The following SLIT2 variants were observed in gnomAD, a reference collection of about 807,000 sequenced individuals.
SLIT2 encodes the protein slit guidance ligand 2.
In SLIT2, 41 loss-of-function variants were observed where a neutral mutation model predicts 185.7. The ratio of observed to expected loss-of-function variants is 0.22; its 90% CI spans 0.17 to 0.29. SLIT2 has a LOEUF of 0.29. Ranked by LOEUF, SLIT2 falls within the 10% of genes least tolerant of loss-of-function variation. The pLI is 1.00. For synonymous variants in SLIT2, 693 were observed against 680.2 expected (o/e 1.02, Z -0.29); for missense variants, 1,571 against 1,909.0 (o/e 0.82, Z 3.30).
At position 20,263,622 on chromosome 4, in the gene SLIT2, G is replaced by A. The variant is rs577938524; in HGVS notation, c.324-5188G>A. 7.1e-4 allele frequency among the ~76,000 whole-genome samples: 108 copies of A among 151,946 alleles called. 1 individual carries two copies. The highest frequency in any genetic ancestry group is 2.2e-3 in the African/African-American group (90 of 41,508). On this transcript the variant is annotated intron_variant, in intron 3 of 36. Transcript: ENST00000504154. Reference sequence around the variant, plus strand: ...CCTTTCTCCTTTTAAAATCAGAAACGCTAGAAAAGAGTGATATCAGAAAAT... The same window carrying A: ...CCTTTCTCCTTTTAAAATCAGAAACACTAGAAAAGAGTGATATCAGAAAAT...
At chr4:20,450,952 C>T (rs1178406760) in intron 4 of SLIT2, among the ~76,000 whole-genome samples, 2 of 152,134 alleles carry the variant, frequency 1.3e-5, no homozygotes, top group Non-Finnish European at 2.9e-5. Flanking sequence ...ATATCTGGCT[C>T]AGAATGATCT....
chr4:20,519,332 G>C, intron 11 of SLIT2, 50 bp from the exon 12 acceptor site: 1 of 893,916 alleles, frequency 1.1e-6, no homozygotes, highest in Non-Finnish European at 1.9e-6. Flanking sequence ...AGATGAATTT[G>C]TTATGCAGGT....
intron 4 of SLIT2, among the ~76,000 whole-genome samples, chr4:20,415,981 C>T (rs1727647864): frequency 6.6e-6 from 1 of 152,108 alleles, no homozygotes; most frequent in Non-Finnish European, 1.5e-5. Flanking sequence ...TTAGTGATGA[C>T]ACAGTATTAG....
At chr4:20,523,166 G>T (rs1447168704) in intron 12 of SLIT2, among the ~76,000 whole-genome samples, 1 of 152,046 alleles carries the variant, frequency 6.6e-6, no homozygotes, top group Non-Finnish European at 1.5e-5. Context: ...TTTAAGAAAG[G>T]CAAGGAGATC....
At chr4:20,451,187 A>G (rs1470833843) in intron 4 of SLIT2, among the ~76,000 whole-genome samples, 2 of 152,088 alleles carry the variant, frequency 1.3e-5, no homozygotes, top group Admixed American at 6.5e-5. Flanking sequence ...TCTCCGTTAC[A>G]CCTTCCTGAA....
chr4:20,617,194 A>C lies in SLIT2; in HGVS notation c.4132A>C (p.Asn1378His). ...ACGGACCAATGACCCTTGCCTTGGAAATAAGTAAGTTCCTGCTGCTTGGGA... is the reference window on the plus strand; with the variant it reads ...ACGGACCAATGACCCTTGCCTTGGACATAAGTAAGTTCCTGCTGCTTGGGA... ...DQRTNDPCLG[N>H]KCVHGTCLPI... is the part of the protein sequence containing the mutation. The change falls in exon 35 of 37, where the codon AAT (asparagine) becomes CAT (histidine). Residue 1378 changes from asparagine (N) to histidine (H), a missense_variant. Around this residue, in one of 3 missense-constraint regions of SLIT2, gnomAD observed 223 missense variants for 245.2 expected, o/e 0.91. Coordinates refer to ENST00000504154, the MANE Select transcript of SLIT2 (RefSeq NM_004787.4). 5 of 1,572,246 alleles carry C rather than the reference A, an allele frequency of 3.2e-6. No homozygotes were observed. The highest frequency in any genetic ancestry group is 4.3e-6 in the Non-Finnish European group (5 of 1,154,458).
intron 36 of SLIT2, 74 bp downstream of exon 36, chr4:20,617,724 A>T: frequency 1.2e-5 from 8 of 680,828 alleles, no homozygotes; most frequent in African/African-American, 2.7e-5. Flanking sequence ...AAAGAGAGGG[A>T]GAAAAAGTGA....
chr4:20,454,564 A>T (rs1288894011), intron 4 of SLIT2, among the ~76,000 whole-genome samples: 1 of 152,178 alleles, frequency 6.6e-6, no homozygotes, highest in East Asian at 1.9e-4. Flanking sequence ...ATGGAAGTAC[A>T]GATTTATGAT....
intron 15 of SLIT2, among the ~76,000 whole-genome samples, chr4:20,525,861 C>G (rs577800011): frequency 5.3e-5 from 8 of 152,210 alleles, no homozygotes; most frequent in Admixed American, 4.6e-4. Context: ...ATAATTTAGG[C>G]AGATGGATAA....
At chr4:20,416,330 C>T (rs1320519900) in intron 4 of SLIT2, among the ~76,000 whole-genome samples, 2 of 152,134 alleles carry the variant, frequency 1.3e-5, no homozygotes, top group African/African-American at 2.4e-5. Flanking sequence ...CCTCACATGG[C>T]CTTTTCTCTG....
At chr4:20,470,978 T>G (rs1434501600) in intron 5 of SLIT2, among the ~76,000 whole-genome samples, 2 of 152,190 alleles carry the variant, frequency 1.3e-5, no homozygotes, top group African/African-American at 4.8e-5. Context: ...ATTTCAACTT[T>G]GGAAGCTTAT....
In SLIT2 at chr4:20,308,029, G is replaced by T. The variant is rs148580870; in HGVS notation, c.395+39148G>T. ...AAGACTCACATGCCAGCAAGGAGGA[G>T]ATTAATTATTATGATTTTTAGTGAT... On this transcript the variant is annotated intron_variant, in intron 4 of 36. Transcript: ENST00000504154. 1.9e-3 allele frequency among the ~76,000 whole-genome samples: 294 copies of T among 152,270 alleles called. 3 individuals are homozygous for T. Among genetic ancestry groups the T allele is most frequent in the African/African-American group, 6.9e-3 (286 of 41,550 alleles).
chr4:20,610,003 T>A lies in SLIT2; in HGVS notation c.3693-10T>A. ...AATGGAAGAATCAGCCATTTTTTTT[T>A]CCGTTGTAGTGTGGAGACAATCAAT... On this transcript the variant is annotated splice_polypyrimidine_tract_variant and intron_variant, in intron 33 of 36. Coordinates refer to ENST00000504154, the MANE Select transcript of SLIT2 (RefSeq NM_004787.4). 1.3e-6 allele frequency: 2 copies of A among 1,581,592 alleles called. No individual in the cohort carries two copies. The highest frequency in any genetic ancestry group is 1.7e-6 in the Non-Finnish European group (2 of 1,166,884).
At chr4:20,261,788 A>G (rs1025220444) in intron 3 of SLIT2, among the ~76,000 whole-genome samples, 7 of 151,850 alleles carry the variant, frequency 4.6e-5, no homozygotes, top group Non-Finnish European at 1.0e-4. Context: ...AGTCTTGGAT[A>G]TTAGGCTTTG....
intron 21 of SLIT2, among the ~76,000 whole-genome samples, chr4:20,543,775 C>T (rs975647581): frequency 3.9e-5 from 6 of 152,172 alleles, no homozygotes; most frequent in African/African-American, 1.4e-4. Context: ...GCTTAGAACA[C>T]GGCTCTTAGA....
Position 20,382,527 on chromosome 4 carries a change from T to G in SLIT2, c.396-85225T>G, listed in dbSNP as rs1724608150. On this transcript the variant is annotated intron_variant, in intron 4 of 36. Transcript: ENST00000504154. ...AAAATATATTTTTGTGTGCTAGCAA[T>G]GTAATTAAAAATTTAAAAATCACCA... Among the ~76,000 whole-genome samples the G allele has an allele frequency of 3.9e-5, 6 of 152,280 alleles. No homozygotes were observed. The South Asian group carries it at 1.2e-3, about 32-fold the overall frequency.
intron 4 of SLIT2, among the ~76,000 whole-genome samples, chr4:20,357,657 T>C (rs1276941962): frequency 2.0e-5 from 3 of 152,108 alleles, no homozygotes; most frequent in East Asian, 3.9e-4. Context: ...GTTTGTGATA[T>C]AGGATGTGAA....
At chr4:20,469,892 A>T (rs997782011) in intron 5 of SLIT2, among the ~76,000 whole-genome samples, 1 of 150,926 alleles carries the variant, frequency 6.6e-6, no homozygotes, top group Admixed American at 6.6e-5. Flanking sequence ...AGGACCTGGG[A>T]TTATAGGCAC....
Position 20,488,859 on chromosome 4 carries a change from G to A in SLIT2, c.652G>A (p.Ala218Thr). 1.2e-6 allele frequency: 2 copies of A among 1,610,494 alleles called. No homozygotes were observed. The highest frequency in any genetic ancestry group is 2.7e-5 in the African/African-American group (2 of 74,970). The change falls in exon 8 of 37, where the codon GCC becomes ACC. Residue 218 changes from alanine (A) to threonine (T), a missense_variant. Physicochemically the swap from Ala to Thr is moderately conservative, Grantham distance 58. This residue lies in a region of SLIT2 where 1,202 missense variants were observed against 1,416.4 expected (regional missense o/e 0.85). Coordinates refer to ENST00000504154, the MANE Select transcript of SLIT2 (RefSeq NM_004787.4). ...CAACCTGTATTGTGACTGCCACCTG[G>A]CCTGGCTCTCCGACTGGCTTCGCCA... ...SNNLYCDCHL[A>T]WLSDWLRQRP...
Sources: gnomAD v4.1 joint callset for allele counts (sites outside exome capture counted in the v4.1 genomes callset) on GRCh38, gnomAD v4.1.1 for gene constraint, gnomAD v4.1.1 regional missense constraint, MANE v1.5 for transcripts, NCBI Gene and HGNC (gene_info 2026-07-23, HGNC 2026-07-21) for gene names.